The following CRACD variants were observed in gnomAD, a reference collection of about 807,000 sequenced individuals.
The protein encoded by CRACD is capping protein-inhibiting regulator of actin dynamics.
CRACD carries 56 observed loss-of-function variants against 106.8 expected under a neutral mutation model. The observed-to-expected ratio is 0.52, with a 90% confidence interval of 0.42 to 0.66. The LOEUF is 0.66. Among genes scored for constraint, CRACD ranks in the 30% least tolerant of loss-of-function variants. The pLI, the probability that CRACD is intolerant of heterozygous loss-of-function variation, is 0.00. For synonymous variants in CRACD, 754 were observed against 670.8 expected (o/e 1.12, Z -1.92); for missense variants, 1,730 against 1,623.2 (o/e 1.07, Z -1.13).
intron 1 of CRACD, among the ~76,000 whole-genome samples, chr4:56,116,897 A>G (rs568527652): frequency 8.6e-5 from 13 of 151,564 alleles, no homozygotes; most frequent in Admixed American, 8.5e-4. Flanking sequence ...TGGTAGAGAC[A>G]GGGTTTCGCC....
chr4:56,294,063 A>G (rs1204357739), intron 3 of CRACD, among the ~76,000 whole-genome samples: 1 of 152,124 alleles, frequency 6.6e-6, no homozygotes, highest in Admixed American at 6.5e-5. Context: ...TCATCTCTAC[A>G]AAAAATTTTA....
Position 56,315,081 on chromosome 4 carries a change from G to A in CRACD, c.1579G>A (p.Val527Met). Residue 527 changes from valine to methionine, a missense_variant, in exon 8 of 11, where the codon GTG (valine) becomes ATG (methionine). Around this residue, in one of 5 missense-constraint regions of CRACD, gnomAD observed 1,620 missense variants for 1,481.6 expected, o/e 1.09. Transcript: ENST00000682029. This position sits in a 1 kb window ranked among gnomAD's most constrained non-coding sequence, Gnocchi z 4.1. ...RKVEELRWQE[V>M]DERQTMPRPY... ...GGTGGAGGAGCTGCGGTGGCAGGAGGTGGACGAGAGACAGACCATGCCCCG... is the reference window on the plus strand; with the variant it reads ...GGTGGAGGAGCTGCGGTGGCAGGAGATGGACGAGAGACAGACCATGCCCCG... 1 of 1,610,894 alleles carries A rather than the reference G, an allele frequency of 6.2e-7. No individual in the cohort carries two copies. The highest frequency in any genetic ancestry group is 8.5e-7 in the Non-Finnish European group (1 of 1,179,210).
At chr4:56,159,620 C>G (rs549605935) in intron 1 of CRACD, among the ~76,000 whole-genome samples, 1 of 152,154 alleles carries the variant, frequency 6.6e-6, no homozygotes, top group Admixed American at 6.5e-5. Context: ...CCACTGCACT[C>G]CAGCTTGGGT....
At chr4:56,204,249 C>G (rs1014804816) in intron 2 of CRACD, among the ~76,000 whole-genome samples, 4 of 152,242 alleles carry the variant, frequency 2.6e-5, no homozygotes, top group Admixed American at 2.0e-4. Flanking sequence ...CCATTAGACT[C>G]TCCTTCTGTT....
At chr4:56,265,683 G>A (rs573562509) in intron 2 of CRACD, among the ~76,000 whole-genome samples, 1 of 152,144 alleles carries the variant, frequency 6.6e-6, no homozygotes, top group Non-Finnish European at 1.5e-5. Flanking sequence ...AGGTCCCATA[G>A]TAAACAAACA....
At chr4:56,186,522 A>T (rs1481685937) in intron 2 of CRACD, among the ~76,000 whole-genome samples, 2 of 152,164 alleles carry the variant, frequency 1.3e-5, no homozygotes, top group Middle Eastern at 6.3e-3. Flanking sequence ...TAGCAGAGAG[A>T]TGGGGATGGG....
chr4:56,158,810 G>T (rs892429617), intron 1 of CRACD, among the ~76,000 whole-genome samples: 1 of 152,196 alleles, frequency 6.6e-6, no homozygotes, highest in Non-Finnish European at 1.5e-5. Context: ...GAAAGGTAGA[G>T]AACTATTTCA....
chr4:56,326,900 T>G (rs1746484365), intron 10 of CRACD, among the ~76,000 whole-genome samples: 1 of 152,038 alleles, frequency 6.6e-6, no homozygotes, highest in Admixed American at 6.5e-5. Context: ...CCAACAAGCC[T>G]GGCTACTTTT....
intron 2 of CRACD, among the ~76,000 whole-genome samples, chr4:56,231,883 T>C (rs968288273): frequency 6.6e-6 from 1 of 152,238 alleles, no homozygotes; most frequent in Non-Finnish European, 1.5e-5. Flanking sequence ...AGACTTTATA[T>C]ACAAGCAGCT....
intron 1 of CRACD, among the ~76,000 whole-genome samples, chr4:56,146,672 A>G (rs1250716504): frequency 6.6e-6 from 1 of 150,924 alleles, no homozygotes; most frequent in African/African-American, 2.4e-5. Flanking sequence ...TCATTTACAT[A>G]TATTTGACAA....
At chr4:56,095,283 T>C (rs10008254) in intron 1 of CRACD, among the ~76,000 whole-genome samples, 10,556 of 152,164 alleles carry the variant, frequency 0.069, 732 homozygotes, top group African/African-American at 0.16. Context: ...GCCCGGGTGG[T>C]TGGGGCTCTT....
rs536088696 is a variant in CRACD, at chr4:56,253,176, A to G, written c.-188-19145A>G. ...GCTCTCTTTTAGCAACTTACAGACC[A>G]TACTCTGGCCTCTCCCAGGCCCTGA... On this transcript the variant is annotated intron_variant, in intron 2 of 10. Transcript: ENST00000682029. 5.3e-5 allele frequency among the ~76,000 whole-genome samples: 8 copies of G among 152,340 alleles called. No homozygotes were observed. The South Asian group carries it at 1.7e-3, about 32-fold the overall frequency.
At chr4:56,076,885 C>G (rs1486339667) in intron 1 of CRACD, among the ~76,000 whole-genome samples, 2 of 152,174 alleles carry the variant, frequency 1.3e-5, no homozygotes, top group African/African-American at 4.8e-5. Context: ...CAAATAATAT[C>G]ATATAGCTAA....
At chr4:56,125,764 C>CTTTTTTTTTTTTTT (rs11289899) in intron 1 of CRACD, among the ~76,000 whole-genome samples, 6 of 73,298 alleles carry the variant, frequency 8.2e-5, no homozygotes, top group East Asian at 3.9e-4. Context: ...CATTCTTCTT[C>CTTTTTTTTTTTTTT]TTTTTTTTTT....
intron 1 of CRACD, among the ~76,000 whole-genome samples, chr4:56,081,330 G>A (rs562060666): frequency 5.3e-5 from 8 of 152,234 alleles, no homozygotes; most frequent in East Asian, 1.9e-4. Flanking sequence ...CTGAGATAGC[G>A]CACTCAGGTA....
Position 56,327,931 on chromosome 4 carries a change from A to G in CRACD, c.*127A>G. ...AGAAGCATGTTTTATAGGCTCCAAA[A>G]TAATGTTTAGAAACTGAACTGGTGG... On this transcript the variant is annotated 3_prime_UTR_variant, in exon 11 of 11. Coordinates refer to ENST00000682029, the MANE Select transcript of CRACD (RefSeq NM_001393381.1). 1 of 836,272 alleles carries G rather than the reference A, an allele frequency of 1.2e-6. No individual in the cohort carries two copies. The highest frequency in any genetic ancestry group is 1.8e-6 in the Non-Finnish European group (1 of 550,298). The allele number at this position is 836,272 out of a possible 1,614,324, so 51.8% of individuals were successfully genotyped here.
intron 6 of CRACD, 59 bp downstream of exon 6, chr4:56,310,793 C>G (rs1745104203): frequency 7.4e-6 from 7 of 949,716 alleles, no homozygotes; most frequent in Non-Finnish European, 9.6e-6. Context: ...TCATCTTCCC[C>G]CCCCCTTTTT....
At chr4:56,078,170 CT>C (rs1249555746) in intron 1 of CRACD, among the ~76,000 whole-genome samples, 1 of 151,874 alleles carries the variant, frequency 6.6e-6, no homozygotes, top group Non-Finnish European at 1.5e-5. Context: ...ATTGTAAATA[CT>C]TTTTTTTCTT....
intron 1 of CRACD, among the ~76,000 whole-genome samples, chr4:56,088,882 C>T (rs1031406849): frequency 1.2e-4 from 18 of 152,154 alleles, no homozygotes; most frequent in African/African-American, 4.1e-4. Context: ...CCCACCACCA[C>T]GCCTGGGTAA....
Sources: allele counts gnomAD v4.1 joint callset (sites outside exome capture counted in the v4.1 genomes callset), GRCh38; gene constraint gnomAD v4.1.1; regional missense constraint gnomAD v4.1.1; non-coding constraint Gnocchi (gnomAD v3.1); transcripts MANE v1.5; gene names NCBI Gene and HGNC (gene_info 2026-07-23, HGNC 2026-07-21).